The following PRDM11 variants were observed in gnomAD, a reference collection of about 807,000 sequenced individuals.
PRDM11 encodes PR/SET domain 11, also known as PR domain-containing protein 11.
A neutral mutation model predicts 97.8 loss-of-function variants in PRDM11; 20 were observed. The observed-to-expected ratio is 0.20, with a 90% confidence interval of 0.14 to 0.30. The LOEUF (loss-of-function observed/expected upper bound fraction) is 0.30, where lower values mean the gene tolerates loss of function less well. Ranked by LOEUF, PRDM11 falls within the 10% of genes least tolerant of loss-of-function variation. The pLI is 1.00. For missense variants in PRDM11, 1,139 were observed against 1,555.2 expected, an observed-to-expected ratio of 0.73 and a Z score of 4.50; for synonymous variants, 599 against 637.7, an observed-to-expected ratio of 0.94 and a Z score of 0.91.
intron 4 of PRDM11, among the ~76,000 whole-genome samples, chr11:45,191,732 T>A (rs1381943244): frequency 6.6e-6 from 1 of 152,126 alleles, no homozygotes; most frequent in Non-Finnish European, 1.5e-5. Context: ...GAAATGGTGT[T>A]TAGGAGCCAA....
chr11:45,146,545 G>A (rs909035265), upstream of PRDM11: 1 of 152,008 alleles, frequency 6.6e-6, no homozygotes, highest in Non-Finnish European at 1.5e-5. Flanking sequence ...TTTTCTCCGG[G>A]GCCGGGTCGG....
intron 5 of PRDM11, among the ~76,000 whole-genome samples, chr11:45,210,562 G>A (rs1853693430): frequency 6.6e-6 from 1 of 152,226 alleles, no homozygotes; most frequent in Non-Finnish European, 1.5e-5. Context: ...CAGGGAAGCA[G>A]CCGTGGCTCA....
chr11:45,225,853 TG>T, intron 7 of PRDM11, 141 bp from the exon 8 acceptor site: 2 of 1,083,234 alleles, frequency 1.8e-6, no homozygotes, highest in Non-Finnish European at 2.5e-6. Flanking sequence ...AATTCTGGGC[TG>T]GGATTCAATC....
At chr11:45,156,194 TAAAG>T (rs1369708310) in intron 1 of PRDM11, among the ~76,000 whole-genome samples, 2 of 152,180 alleles carry the variant, frequency 1.3e-5, no homozygotes, top group Non-Finnish European at 2.9e-5. Flanking sequence ...ATGGGCAGTG[TAAAG>T]AAAGTACAGC....
chr11:45,099,177 G>T (rs994932868), intron 1 of PRDM11, among the ~76,000 whole-genome samples: 1 of 151,704 alleles, frequency 6.6e-6, no homozygotes, highest in African/African-American at 2.4e-5. Context: ...TCTGGGCCGG[G>T]TGTGGTGGCT....
chr11:45,176,746 A>T (rs970030476), intron 1 of PRDM11, among the ~76,000 whole-genome samples: 1 of 152,280 alleles, frequency 6.6e-6, no homozygotes, highest in African/African-American at 2.4e-5. Context: ...AGTTTAAGGC[A>T]TATATTTATG....
rs977015307 is a variant in PRDM11, at chr11:45,233,865, G to C, written c.*5706G>C. On this transcript the variant is annotated 3_prime_UTR_variant, in exon 8 of 8. Coordinates refer to ENST00000683152, the MANE Select transcript of PRDM11 (RefSeq NM_001384648.1). Reference sequence around the variant, plus strand: ...CAGAAGCAGGGCTTTGGCCCAGCCCGCTCCGCGCAGCAGCTGCTGCTGGCT... The same window carrying C: ...CAGAAGCAGGGCTTTGGCCCAGCCCCCTCCGCGCAGCAGCTGCTGCTGGCT... 1 of 152,288 alleles carries C rather than the reference G, an allele frequency of 6.6e-6. No homozygotes were observed. The highest frequency in any genetic ancestry group is 1.5e-5 in the Non-Finnish European group (1 of 68,088). 9.4% of individuals were successfully genotyped at this position (152,288 alleles called of 1,614,324 possible). A position where few individuals can be genotyped will look rare whatever the true frequency, so the allele number is the denominator to read the frequency against.
At chr11:45,139,688 T>C (rs929225328) in intron 1 of PRDM11, among the ~76,000 whole-genome samples, 1 of 151,806 alleles carries the variant, frequency 6.6e-6, no homozygotes, top group African/African-American at 2.4e-5. Flanking sequence ...AAACAAAAGA[T>C]ACAACTAAGG....
intron 1 of PRDM11, among the ~76,000 whole-genome samples, chr11:45,135,128 A>ACTCTCTCT (rs58588988): frequency 0.019 from 2,756 of 148,898 alleles, 82 homozygotes; most frequent in African/African-American, 0.064. Context: ...TTTTAATTAT[A>ACTCTCTCT]CTCTCTCTCT....
chr11:45,125,305 A>G (rs1852540240), intron 1 of PRDM11, among the ~76,000 whole-genome samples: 1 of 151,630 alleles, frequency 6.6e-6, no homozygotes, highest in Non-Finnish European at 1.5e-5. Flanking sequence ...TGGATTCATT[A>G]ATTTTTTGAA....
intron 1 of PRDM11, among the ~76,000 whole-genome samples, chr11:45,150,377 A>G (rs73464586): frequency 0.011 from 1,613 of 152,294 alleles, 21 homozygotes; most frequent in African/African-American, 0.037. Context: ...CTCTTCCATC[A>G]GACTCTACCA....
At chr11:45,160,866 C>G (rs1329897748) in intron 1 of PRDM11, among the ~76,000 whole-genome samples, 1 of 152,240 alleles carries the variant, frequency 6.6e-6, no homozygotes, top group African/African-American at 2.4e-5. Context: ...AAAGTCAGCT[C>G]TCCTGGCCCC....
chr11:45,207,745 G>T (rs1055031725), intron 5 of PRDM11, among the ~76,000 whole-genome samples: 3 of 152,166 alleles, frequency 2.0e-5, no homozygotes, highest in African/African-American at 7.2e-5. Flanking sequence ...CACCATCTTG[G>T]ACTGGGTAAT....
At chr11:45,095,942 G>A (rs754685618) in intron 1 of PRDM11, 3 of 772,214 alleles carry the variant, frequency 3.9e-6, no homozygotes, top group South Asian at 2.7e-5. Context: ...TCCTCAAAAC[G>A]CTTGCACTTG....
At chr11:45,209,663 A>C (rs1853648098) in intron 5 of PRDM11, among the ~76,000 whole-genome samples, 2 of 152,182 alleles carry the variant, frequency 1.3e-5, no homozygotes, top group African/African-American at 4.8e-5. Flanking sequence ...AGGTCCCGAG[A>C]GCAGGGCTGA....
At chr11:45,126,863 C>CCTGAAT in intron 1 of PRDM11, among the ~76,000 whole-genome samples, 1 of 152,290 alleles carries the variant, frequency 6.6e-6, no homozygotes, top group East Asian at 1.9e-4. Context: ...CTCCGTATTT[C>CCTGAAT]CTGAATCTGA....
At chr11:45,184,029 C>A (rs1253807373) in intron 4 of PRDM11, among the ~76,000 whole-genome samples, 1 of 152,218 alleles carries the variant, frequency 6.6e-6, no homozygotes, top group Non-Finnish European at 1.5e-5. Flanking sequence ...AAAAAGTGAA[C>A]AACCAGGGGA....
chr11:45,141,619 A>T (rs1030120782), intron 1 of PRDM11, among the ~76,000 whole-genome samples: 2 of 152,110 alleles, frequency 1.3e-5, no homozygotes, highest in African/African-American at 2.4e-5. Flanking sequence ...CATGCTAGAG[A>T]CCTGATGTGG....
chr11:45,227,214 C>T lies in PRDM11; in HGVS notation c.2589C>T (p.Ala863=), dbSNP rs1367590630. ...AGACCCAGCGGGCAGACGCCTCGGC[C>T]ATCGCACTGGCCCTGCTGCAGTTCC... is the stretch of plus-strand genomic sequence containing the variant. ...SSQTQRADAS[A]IALALLQFLM... The change falls in exon 8 of 8, where the codon GCC becomes GCT. Residue 863 remains alanine (A), a synonymous_variant. Coordinates refer to ENST00000683152, the MANE Select transcript of PRDM11 (RefSeq NM_001384648.1). This position sits in a 1 kb window ranked among gnomAD's most constrained non-coding sequence, Gnocchi z 8.0. 1 of 1,533,996 alleles carries T rather than the reference C, an allele frequency of 6.5e-7. No individual in the cohort carries two copies. Among genetic ancestry groups the T allele is most frequent in the Non-Finnish European group, 8.7e-7 (1 of 1,146,734 alleles).
Sources: allele counts gnomAD v4.1 joint callset (sites outside exome capture counted in the v4.1 genomes callset), GRCh38; gene constraint gnomAD v4.1.1; non-coding constraint Gnocchi (gnomAD v3.1); transcripts MANE v1.5; gene names NCBI Gene and HGNC (gene_info 2026-07-23, HGNC 2026-07-21).